CUX1: variants seen among roughly 807,000 people sequenced by gnomAD.
The protein encoded by CUX1 is cut like homeobox 1.
A neutral mutation model predicts 158.8 loss-of-function variants in CUX1; 31 were observed. That is an observed-to-expected ratio of 0.20 (90% CI 0.15 to 0.26). The LOEUF is 0.26. Ranked by LOEUF, CUX1 falls within the 10% of genes least tolerant of loss-of-function variation. The pLI, the probability that CUX1 is intolerant of heterozygous loss-of-function variation, is 1.00. For synonymous variants in CUX1, 879 were observed against 862.1 expected, an observed-to-expected ratio of 1.02 and a Z score of -0.34; for missense variants, 1,589 against 2,014.6, an observed-to-expected ratio of 0.79 and a Z score of 4.04.
intron 22 of CUX1, among the ~76,000 whole-genome samples, chr7:102,236,407 T>A (rs548016904): frequency 6.6e-6 from 1 of 152,354 alleles, no homozygotes; most frequent in African/African-American, 2.4e-5. Context: ...TGGTGCCACA[T>A]TGCCCCCCTA....
At chr7:102,032,760 C>A (rs1820941032) in intron 3 of CUX1, among the ~76,000 whole-genome samples, 1 of 152,142 alleles carries the variant, frequency 6.6e-6, no homozygotes, top group Non-Finnish European at 1.5e-5. Flanking sequence ...ATGTAACTCA[C>A]ACTGAAATTA....
intron 1 of CUX1, among the ~76,000 whole-genome samples, chr7:101,861,034 C>G (rs1406158584): frequency 6.6e-6 from 1 of 152,152 alleles, no homozygotes; most frequent in African/African-American, 2.4e-5. Context: ...CCTCTTGCCT[C>G]AGGCCCCCAA....
At chr7:102,212,405 T>C (rs1275041316) in intron 20 of CUX1, among the ~76,000 whole-genome samples, 1 of 152,166 alleles carries the variant, frequency 6.6e-6, no homozygotes, top group African/African-American at 2.4e-5. Flanking sequence ...TGGGGAAGGC[T>C]GCTTTGCCAG....
intron 21 of CUX1, among the ~76,000 whole-genome samples, chr7:102,230,239 G>C (rs957516440): frequency 6.6e-6 from 1 of 152,018 alleles, no homozygotes; most frequent in Non-Finnish European, 1.5e-5. Context: ...ACTTTGGGAG[G>C]CTGAGGCAGG....
intron 2 of CUX1, among the ~76,000 whole-genome samples, chr7:101,944,208 G>A (rs192664107): frequency 3.5e-4 from 53 of 152,198 alleles, no homozygotes; most frequent in African/African-American, 1.2e-3. Flanking sequence ...GCAGTGGGCT[G>A]GGTTGCAGGG....
At chr7:101,830,418 G>A (rs1315217359) in intron 1 of CUX1, among the ~76,000 whole-genome samples, 1 of 152,206 alleles carries the variant, frequency 6.6e-6, no homozygotes, top group East Asian at 1.9e-4. Context: ...ATTATCATTG[G>A]ACTGGAAAAC....
intron 4 of CUX1, among the ~76,000 whole-genome samples, chr7:102,071,166 C>A (rs1362019335): frequency 6.6e-6 from 1 of 151,812 alleles, no homozygotes; most frequent in Non-Finnish European, 1.5e-5. Context: ...ACTTTATTGC[C>A]CAGGCTGGTC....
intron 1 of CUX1, among the ~76,000 whole-genome samples, chr7:101,885,344 G>A (rs1014373322): frequency 6.6e-6 from 1 of 152,178 alleles, no homozygotes; most frequent in African/African-American, 2.4e-5. Flanking sequence ...CACCAGGGAA[G>A]TCCAGAAGGC....
At chr7:101,821,676 T>TC (rs1362403264) in intron 1 of CUX1, among the ~76,000 whole-genome samples, 7 of 95,100 alleles carry the variant, frequency 7.4e-5, no homozygotes, top group African/African-American at 2.4e-4. Context: ...TTTTTCTTTT[T>TC]TTTTTTTTTT....
rs548831793 is a variant in CUX1 at position 102,028,937 on chromosome 7, C to T, written c.189+792C>T. Among the ~76,000 whole-genome samples, 6 of 150,808 alleles carry T rather than the reference C, an allele frequency of 4.0e-5. No homozygotes were observed. In the South Asian group the frequency reaches 6.3e-4, roughly 16 times the overall value. Reference sequence around the variant, plus strand: ...ATAGCAGGCTGATAAGGAAAGGAAACGAGACATTTCCAAAGCCCCTGAAAG... The same window carrying T: ...ATAGCAGGCTGATAAGGAAAGGAAATGAGACATTTCCAAAGCCCCTGAAAG... On this transcript the variant is annotated intron_variant, in intron 3 of 23. Transcript: ENST00000292535.
upstream of CUX1, chr7:101,817,119 G>C (rs1791921441): frequency 1.0e-6 from 1 of 984,512 alleles, no homozygotes; most frequent in South Asian, 4.7e-5. The surrounding 1 kb of genome is among the most constrained non-coding windows in gnomAD (Gnocchi z 4.1). Flanking sequence ...CGGTGTCCCG[G>C]ACCGCCGGGT....
chr7:102,257,147 G>C lies in CUX1; in HGVS notation c.*8105G>C. The C allele has an allele frequency of 3.0e-6, 3 of 985,330 alleles. No individual in the cohort carries two copies. Among genetic ancestry groups the C allele is most frequent in the Non-Finnish European group, 2.4e-6 (2 of 829,916 alleles). The allele number at this position is 985,330 out of a possible 1,614,324, so 61.0% of individuals were successfully genotyped here. On this transcript the variant is annotated 3_prime_UTR_variant, in exon 24 of 24. Transcript: ENST00000292535. ...GCCCAGCAGAAGGAAACTTACCCCA[G>C]GCCAAGGCAAGGGCCCTGCTCACCC... is the stretch of plus-strand genomic sequence containing the variant.
intron 4 of CUX1, among the ~76,000 whole-genome samples, chr7:102,077,948 C>T (rs576200023): frequency 6.6e-6 from 1 of 151,052 alleles, no homozygotes; most frequent in South Asian, 2.1e-4. Context: ...GTAAAATATT[C>T]AACTTGCAAT....
Position 102,249,161 on chromosome 7 carries a change from G to A in CUX1, c.*119G>A, listed in dbSNP as rs1801197208. The A allele has an allele frequency of 2.6e-6, 3 of 1,147,166 alleles. No individual in the cohort carries two copies. Among genetic ancestry groups the A allele is most frequent in the South Asian group, 8.7e-5 (2 of 22,982 alleles). The allele number at this position is 1,147,166 out of a possible 1,614,324, so 71.1% of individuals were successfully genotyped here. ...TTGGCCCGCGGCCTGCACCGACCCCGGGCCGGACCTGAGCCCGCAGCCCAG... is the reference window on the plus strand; with the variant it reads ...TTGGCCCGCGGCCTGCACCGACCCCAGGCCGGACCTGAGCCCGCAGCCCAG... On this transcript the variant is annotated 3_prime_UTR_variant, in exon 24 of 24. Coordinates refer to ENST00000292535, the MANE Select transcript of CUX1 (RefSeq NM_181552.4).
chr7:102,121,593 G>A (rs1388284662), intron 8 of CUX1, among the ~76,000 whole-genome samples: 5 of 152,260 alleles, frequency 3.3e-5, no homozygotes, highest in East Asian at 3.9e-4. Context: ...TGATCTGCCC[G>A]CCTTGGCCTC....
intron 2 of CUX1, among the ~76,000 whole-genome samples, chr7:102,016,648 G>A (rs1433463181): frequency 1.3e-5 from 2 of 152,192 alleles, no homozygotes; most frequent in Non-Finnish European, 2.9e-5. Flanking sequence ...ATATGCAATT[G>A]CATTGCTTTA....
In CUX1 at chr7:102,012,300, G is replaced by A. The variant is rs554424391; in HGVS notation, c.142-15798G>A. On this transcript the variant is annotated intron_variant, in intron 2 of 23. Transcript: ENST00000292535. Reference sequence around the variant, plus strand: ...CCTCCCGGGTTGAAGCAATTCTCATGTCTCAGCCTCCCAAGTAGCTGGGAC... The same window carrying A: ...CCTCCCGGGTTGAAGCAATTCTCATATCTCAGCCTCCCAAGTAGCTGGGAC... Among the ~76,000 whole-genome samples the A allele has an allele frequency of 6.6e-5, 10 of 152,018 alleles. No individual in the cohort carries two copies. The South Asian group carries it at 1.9e-3, about 29-fold the overall frequency.
intron 2 of CUX1, among the ~76,000 whole-genome samples, chr7:101,928,226 G>A (rs1274266441): frequency 6.6e-6 from 1 of 152,092 alleles, no homozygotes; most frequent in Non-Finnish European, 1.5e-5. Context: ...CGACCTCGGA[G>A]TCATTATGGG....
At chr7:101,817,269 C>G, upstream of CUX1, 1 of 984,922 alleles carries the variant, frequency 1.0e-6, no homozygotes, top group South Asian at 4.7e-5. The surrounding 1 kb of genome is among the most constrained non-coding windows in gnomAD (Gnocchi z 4.1). Context: ...CCGGCGGCCC[C>G]CGGTGACCTG....
Sources: allele counts gnomAD v4.1 joint callset (sites outside exome capture counted in the v4.1 genomes callset), GRCh38; gene constraint gnomAD v4.1.1; non-coding constraint Gnocchi (gnomAD v3.1); transcripts MANE v1.5; gene names NCBI Gene and HGNC (gene_info 2026-07-23, HGNC 2026-07-21).